The following GKN2 variants were observed in gnomAD, a reference collection of about 807,000 sequenced individuals.
The protein encoded by GKN2 is gastrokine-2.
A neutral mutation model predicts 22.7 loss-of-function variants in GKN2; 17 were observed. The observed-to-expected ratio is 0.75, with a 90% CI of 0.51 to 1.13. The LOEUF (loss-of-function observed/expected upper bound fraction) is 1.13, where lower values mean the gene tolerates loss of function less well. Ranked by LOEUF, GKN2 falls within the 50% of genes most tolerant of loss-of-function variation. GKN2 has a pLI of 0.00. For missense variants in GKN2, 248 were observed against 221.4 expected (o/e 1.12, Z -0.76); for synonymous variants, 82 against 79.6 (o/e 1.03, Z -0.16).
intron 5 of GKN2, 67 bp from the exon 6 acceptor site, chr2:68,945,517 T>C (rs1302834646): frequency 1.7e-6 from 2 of 1,197,234 alleles, no homozygotes; most frequent in African/African-American, 3.1e-5. Flanking sequence ...ATTAGAATAA[T>C]AATACATTAG....
At chr2:68,952,425 TGCTTAGTCTAAG>T (rs1256430147) in intron 1 of GKN2, among the ~76,000 whole-genome samples, 1 of 152,216 alleles carries the variant, frequency 6.6e-6, no homozygotes, top group Non-Finnish European at 1.5e-5. Context: ...TCATGTGATA[TGCTTAGTCTAAG>T]GCTTAGTATG....
At position 68,950,703 on chromosome 2, in the gene GKN2, T is replaced by C. The variant is rs767860832; in HGVS notation, c.65A>G (p.Glu22Gly). 2.1e-5 allele frequency: 34 copies of C among 1,613,776 alleles called. No individual in the cohort carries two copies. In the African/African-American group the frequency reaches 4.1e-4, roughly 20 times the overall value. Residue 22 changes from glutamate (E) to glycine (G), a missense_variant and splice_region_variant, in exon 2 of 6, where the codon GAG (glutamate) becomes GGG (glycine). Physicochemically the swap from Glu to Gly is moderately conservative, Grantham distance 98. Coordinates refer to ENST00000328895, the MANE Select transcript of GKN2 (RefSeq NM_182536.3). ...AAAGTCCATAAGGAACCAACTCACC[T>C]CGTATCCATGAGATTGTATCCCAAA... is the stretch of plus-strand genomic sequence containing the variant. The part of the protein sequence containing the change: ...TIFGIQSHGY[E>G]VFNIISPSNN...
chr2:68,945,512 A>T, intron 5 of GKN2, 62 bp from the exon 6 acceptor site: 3 of 1,214,156 alleles, frequency 2.5e-6, no homozygotes, highest in Non-Finnish European at 3.6e-6. Flanking sequence ...GAATTATTAG[A>T]ATAATAATAC....
At chr2:68,947,014 T>G (rs377552325) in intron 4 of GKN2, 133 bp downstream of exon 4, 165 of 599,390 alleles carry the variant, frequency 2.8e-4, no homozygotes, top group African/African-American at 2.7e-3. Context: ...TTTAATAACT[T>G]TAATAAGTTG....
Position 68,950,685 on chromosome 2 carries a change from A to G in GKN2, c.66+17T>C, listed in dbSNP as rs762201607. 7.4e-6 allele frequency: 12 copies of G among 1,612,068 alleles called. No homozygotes were observed. In the Admixed American group the frequency reaches 8.3e-5, roughly 11 times the overall value. On this transcript the variant is annotated intron_variant, in intron 2 of 5. Transcript: ENST00000328895. ...CCAACATCTCTAAGAGATAAAGTCC[A>G]TAAGGAACCAACTCACCTCGTATCC...
In GKN2 at chr2:68,945,426, G is replaced by T. The variant is rs769336189; in HGVS notation, c.497C>A (p.Ala166Glu). 3.1e-6 allele frequency: 5 copies of T among 1,611,314 alleles called. No individual in the cohort carries two copies. Among genetic ancestry groups the T allele is most frequent in the Non-Finnish European group, 4.2e-6 (5 of 1,178,286 alleles). ...NTHNVGAGGC[A>E]KAGLLGILGI... is the part of the protein sequence containing the mutation. The stretch of plus-strand genomic sequence containing the variant: ...CAAGATGCCCAGGAGCCCAGCCTTT[G>T]CACAGCCTCCAGCACCGACATTATC... The change falls in exon 6 of 6, where the codon GCA (alanine) becomes GAA (glutamate). Residue 166 changes from alanine (A) to glutamate (E), a missense_variant. By Grantham distance (107) the Ala-to-Glu change is moderately radical. Coordinates refer to ENST00000328895, the MANE Select transcript of GKN2 (RefSeq NM_182536.3).
chr2:68,951,740 A>G (rs1177444487), intron 1 of GKN2, among the ~76,000 whole-genome samples: 1 of 152,208 alleles, frequency 6.6e-6, no homozygotes, highest in Admixed American at 6.5e-5. Context: ...CTCCAGCAAC[A>G]TATGATACTC....
At position 68,946,309 on chromosome 2, in the gene GKN2, T is replaced by C. The variant is rs760754560; in HGVS notation, c.467A>G (p.Asn156Ser). The C allele has an allele frequency of 2.5e-6, 4 of 1,606,806 alleles. No individual in the cohort carries two copies. The highest frequency in any genetic ancestry group is 1.7e-6 in the Non-Finnish European group (2 of 1,177,748). ...IPLYKGEVVE[N>S]THNVGAGGCA... ...AATGACTTATTGGTACTCACGTGTG[T>C]TTTCAACCACTTCCCCCTTATACAA... Residue 156 changes from asparagine to serine, a missense_variant, in exon 5 of 6, where the codon AAC (asparagine) becomes AGC (serine). By Grantham distance (46) the Asn-to-Ser change is conservative. Coordinates refer to ENST00000328895, the MANE Select transcript of GKN2 (RefSeq NM_182536.3).
At chr2:68,947,027 T>C (rs1669781182) in intron 4 of GKN2, 120 bp downstream of exon 4, 2 of 633,894 alleles carry the variant, frequency 3.2e-6, no homozygotes, top group African/African-American at 3.6e-5. Flanking sequence ...ATAAGTTGAG[T>C]ATCACATTTA....
chr2:68,946,422 G>C lies in GKN2; in HGVS notation c.354C>G (p.Val118=). ...DNMFSSKYTW[V]KYNPLESLIK... ...TCAGAGACTCCAGAGGGTTGTACTT[G>C]ACCCAGGTGTATTTGCTGGAGAACA... The change falls in exon 5 of 6, where the codon GTC becomes GTG. Residue 118 remains valine, a synonymous_variant. Coordinates refer to ENST00000328895, the MANE Select transcript of GKN2 (RefSeq NM_182536.3). The C allele has an allele frequency of 6.2e-7, 1 of 1,612,654 alleles. No individual in the cohort carries two copies. The highest frequency in any genetic ancestry group is 8.5e-7 in the Non-Finnish European group (1 of 1,179,502).
intron 2 of GKN2, 125 bp from the exon 3 acceptor site, chr2:68,950,388 G>T: frequency 1.1e-6 from 1 of 916,030 alleles, no homozygotes; most frequent in Non-Finnish European, 1.6e-6. Flanking sequence ...CTGTCCACTG[G>T]GGTCCCAATC....
intron 4 of GKN2, 80 bp downstream of exon 4, chr2:68,947,067 C>A: frequency 1.2e-6 from 1 of 854,168 alleles, no homozygotes; most frequent in South Asian, 1.4e-5. Context: ...GATCTTCTCC[C>A]TCACACTCTT....
In GKN2 at chr2:68,945,294, G is replaced by T. The variant is rs1386151089; in HGVS notation, c.*74C>A. 4.6e-6 allele frequency: 5 copies of T among 1,096,194 alleles called. No individual in the cohort carries two copies. Among genetic ancestry groups the T allele is most frequent in the East Asian group, 2.4e-5 (1 of 41,520 alleles). 67.9% of individuals were successfully genotyped at this position (1,096,194 alleles called of 1,614,324 possible). A position where few individuals can be genotyped will look rare whatever the true frequency, so the allele number is the denominator to read the frequency against. ...CAAAATTAGTTGGGGCATTGGGAAA[G>T]AATTTAATTTGACTTTTGAGTGTAA... On this transcript the variant is annotated 3_prime_UTR_variant, in exon 6 of 6. Coordinates refer to ENST00000328895, the MANE Select transcript of GKN2 (RefSeq NM_182536.3).
In GKN2 at chr2:68,950,130, T is replaced by G; in HGVS notation, c.200A>C (p.Lys67Thr). Reference protein sequence around the residue: ...SCSSTTIFDYKHGYIASRVLS... With the variant: ...SCSSTTIFDYTHGYIASRVLS... ...GAAAATTCATTTGCTGCTTACATGT[T>G]TATAGTCAAAAATTGTGGTAGAAGA... Residue 67 changes from lysine to threonine, a missense_variant, in exon 3 of 6, where the codon AAA becomes ACA. Physicochemically the swap from Lys to Thr is moderately conservative, Grantham distance 78. Transcript: ENST00000328895. The G allele has an allele frequency of 6.2e-7, 1 of 1,612,636 alleles. No individual in the cohort carries two copies. The highest frequency in any genetic ancestry group is 8.5e-7 in the Non-Finnish European group (1 of 1,179,548).
rs61739918 is a variant in GKN2, at chr2:68,950,179, T to C, written c.151A>G (p.Ile51Val). The part of the protein sequence containing the change: ...TIDNEKNTAI[I>V]NIHAGSCSST... ...GAGCATGATCCTGCATGGATGTTAATGATGGCGGTATTTTTTTCATTATCA... is the reference window on the plus strand; with the variant it reads ...GAGCATGATCCTGCATGGATGTTAACGATGGCGGTATTTTTTTCATTATCA... The change falls in exon 3 of 6, where the codon ATT becomes GTT. Residue 51 changes from isoleucine to valine, a missense_variant. Coordinates refer to ENST00000328895, the MANE Select transcript of GKN2 (RefSeq NM_182536.3). The C allele has an allele frequency of 9.1e-3, 14,690 of 1,613,950 alleles. 1,052 individuals carry two copies. The African/African-American group carries it at 0.17, about 18-fold the overall frequency.
intron 1 of GKN2, among the ~76,000 whole-genome samples, chr2:68,952,269 G>C (rs1399131812): frequency 2.0e-5 from 3 of 152,184 alleles, no homozygotes; most frequent in Middle Eastern, 3.4e-3. Flanking sequence ...CTGCAAGTGG[G>C]GATTCAGATG....
chr2:68,952,256 C>T (rs72839506), intron 1 of GKN2, among the ~76,000 whole-genome samples: 17,305 of 152,142 alleles, frequency 0.11, 1,292 homozygotes, highest in East Asian at 0.36. Flanking sequence ...GCCATGATTG[C>T]GCCTGCAAGT....
At chr2:68,948,517 G>A (rs1194947558) in intron 3 of GKN2, among the ~76,000 whole-genome samples, 2 of 152,044 alleles carry the variant, frequency 1.3e-5, no homozygotes, top group South Asian at 2.1e-4. Flanking sequence ...GCTCACACAC[G>A]TCTCATCTAT....
intron 1 of GKN2, among the ~76,000 whole-genome samples, chr2:68,951,971 C>G (rs766759100): frequency 9.9e-5 from 15 of 152,214 alleles, no homozygotes; most frequent in Non-Finnish European, 2.2e-4. Flanking sequence ...AGAGAGGGAG[C>G]TCTTTAAGCT....
Sources: gnomAD v4.1 joint callset for allele counts (sites outside exome capture counted in the v4.1 genomes callset) on GRCh38, gnomAD v4.1.1 for gene constraint, MANE v1.5 for transcripts, NCBI Gene and HGNC (gene_info 2026-07-23, HGNC 2026-07-21) for gene names.